TLR6: variants seen among roughly 807,000 people sequenced by gnomAD.
TLR6 encodes toll-like receptor 6.
A neutral mutation model predicts 16.1 loss-of-function variants in TLR6; 9 were observed. That is an observed-to-expected ratio of 0.56 (90% confidence interval 0.34 to 0.98). TLR6 has a LOEUF of 0.98. Ranked by LOEUF, TLR6 falls within the 50% of genes least tolerant of loss-of-function variation. The probability of loss-of-function intolerance (pLI) is 0.02; values close to 1 mark genes in which losing one functional copy is unlikely to be tolerated. For synonymous variants in TLR6, 340 were observed against 338.6 expected (o/e 1.00, Z -0.04); for missense variants, 786 against 921.0 (o/e 0.85, Z 1.90).
chr4:38,835,366 A>G (rs1448859230), intron 1 of TLR6, among the ~76,000 whole-genome samples: 7 of 152,230 alleles, frequency 4.6e-5, no homozygotes. Context: ...CTATTAAAAA[A>G]GACAAAAAAA....
intron 1 of TLR6, among the ~76,000 whole-genome samples, chr4:38,844,549 T>A (rs1030228598): frequency 7.1e-6 from 1 of 140,824 alleles, no homozygotes; most frequent in Middle Eastern, 3.5e-3. Flanking sequence ...GAAATTTGAA[T>A]GAGAAATTAA....
In TLR6 at chr4:38,855,483, T is replaced by C. The variant is rs117576042; in HGVS notation, c.-65+1278A>G. Among the ~76,000 whole-genome samples, 123 of 152,304 alleles carry C rather than the reference T, an allele frequency of 8.1e-4. 2 individuals are homozygous for C. In the East Asian group the frequency reaches 0.022, roughly 27 times the overall value. On this transcript the variant is annotated intron_variant, in intron 1 of 1. Coordinates refer to ENST00000436693, the Ensembl canonical transcript of TLR6. ...TTTAAGAGTTGTCTTTATAGCTGTG[T>C]GAAAATATTTTATATTTAAAGAAAC...
At chr4:38,855,907 A>C (rs751097939) in intron 1 of TLR6, among the ~76,000 whole-genome samples, 1 of 152,228 alleles carries the variant, frequency 6.6e-6, no homozygotes, top group Non-Finnish European at 1.5e-5. Context: ...AAATGCATCA[A>C]ATAAAAAGGG....
At chr4:38,827,476 T>C in exon 2 of TLR6, 1 of 1,614,212 alleles carries the variant, frequency 6.2e-7, no homozygotes, top group South Asian at 1.1e-5. Context: ...GTATATCTTC[T>C]TTTTCTAGGT....
At chr4:38,839,879 C>T (rs927193964) in intron 1 of TLR6, among the ~76,000 whole-genome samples, 3 of 152,174 alleles carry the variant, frequency 2.0e-5, no homozygotes, top group African/African-American at 7.2e-5. Context: ...GAGAAACCTC[C>T]GATGGGCACT....
the TLR6 span, among the ~76,000 whole-genome samples, chr4:38,862,560 C>T: frequency 4.1e-5 from 6 of 145,124 alleles, no homozygotes; most frequent in Admixed American, 1.4e-4. Context: ...GGATTACAGG[C>T]GTGTGCCACC....
intron 1 of TLR6, among the ~76,000 whole-genome samples, chr4:38,848,482 A>G (rs78444198): frequency 0.031 from 4,747 of 152,332 alleles, 215 homozygotes; most frequent in African/African-American, 0.087. Flanking sequence ...AAACTTCTCC[A>G]ACTAAAGGAG....
the TLR6 span, among the ~76,000 whole-genome samples, chr4:38,862,143 A>G: frequency 6.6e-6 from 1 of 150,938 alleles, no homozygotes; most frequent in African/African-American, 2.4e-5. Context: ...TTCGGAATGA[A>G]CTCTCTGTGC....
At chr4:38,852,502 A>G (rs1161184168) in intron 1 of TLR6, among the ~76,000 whole-genome samples, 1 of 152,260 alleles carries the variant, frequency 6.6e-6, no homozygotes, top group Non-Finnish European at 1.5e-5. Flanking sequence ...GCTAATATCC[A>G]GAATCTACAA....
chr4:38,823,135 C>T (rs1419173329), downstream of TLR6, among the ~76,000 whole-genome samples: 1 of 152,174 alleles, frequency 6.6e-6, no homozygotes, highest in East Asian at 1.9e-4. Flanking sequence ...CCACTGGGTC[C>T]CTCCCACAAC....
At chr4:38,851,033 T>A (rs561538881) in intron 1 of TLR6, among the ~76,000 whole-genome samples, 191 of 152,250 alleles carry the variant, frequency 1.3e-3, no homozygotes, top group African/African-American at 4.0e-3. Context: ...TTATCCACCA[T>A]GATCAAGTGG....
chr4:38,839,301 A>T (rs1712124297), intron 1 of TLR6, among the ~76,000 whole-genome samples: 2 of 151,260 alleles, frequency 1.3e-5, no homozygotes, highest in African/African-American at 4.9e-5. Flanking sequence ...AAGTCTATTG[A>T]TTTTTTTTTA....
intron 1 of TLR6, among the ~76,000 whole-genome samples, chr4:38,851,896 G>A (rs1484589726): frequency 6.6e-6 from 1 of 151,910 alleles, no homozygotes; most frequent in Non-Finnish European, 1.5e-5. Context: ...GTTCATATGG[G>A]GTCAAAAAAG....
chr4:38,867,946 C>T, the TLR6 span: 2 of 264,546 alleles, frequency 7.6e-6, no homozygotes, highest in Admixed American at 3.9e-5. Context: ...CGTCCGGGAC[C>T]CACGAATCCT....
intron 1 of TLR6, among the ~76,000 whole-genome samples, chr4:38,841,456 T>C (rs1361317937): frequency 6.6e-6 from 1 of 152,042 alleles, no homozygotes; most frequent in African/African-American, 2.4e-5. Flanking sequence ...CCAGGCATAG[T>C]GGTGCCTGCC....
intron 1 of TLR6, among the ~76,000 whole-genome samples, chr4:38,842,313 A>G (rs1579252880): frequency 6.6e-6 from 1 of 152,190 alleles, no homozygotes. Flanking sequence ...AGGAGGAACT[A>G]CCTACTCCCT....
chr4:38,862,930 TAAAAAAAAAAA>T, the TLR6 span, among the ~76,000 whole-genome samples: 3 of 83,112 alleles, frequency 3.6e-5, no homozygotes, highest in South Asian at 1.1e-3. Context: ...TTCTCCCATC[TAAAAAAAAAAA>T]AAAAAAAAAA....
the TLR6 span, among the ~76,000 whole-genome samples, chr4:38,862,786 AGGG>A: frequency 6.6e-6 from 1 of 150,516 alleles, no homozygotes; most frequent in East Asian, 2.0e-4. Context: ...TAGTAGAGAC[AGGG>A]TTTCACCCTG....
intron 1 of TLR6, among the ~76,000 whole-genome samples, chr4:38,839,308 T>A (rs1458946825): frequency 8.6e-6 from 1 of 116,058 alleles, no homozygotes; most frequent in African/African-American, 5.1e-5. Context: ...TTGATTTTTT[T>A]TTAAAAAAAA....
Sources: allele counts gnomAD v4.1 joint callset (sites outside exome capture counted in the v4.1 genomes callset), GRCh38; gene constraint gnomAD v4.1.1; transcripts MANE v1.5; gene names NCBI Gene and HGNC (gene_info 2026-07-23, HGNC 2026-07-21).